The following MT4 variants were observed in gnomAD, a reference collection of about 807,000 sequenced individuals.
MT4 encodes metallothionein-4.
Under a neutral mutation model 9.5 loss-of-function variants are expected in MT4, and 11 were observed. The observed-to-expected ratio is 1.16, with a 90% CI of 0.73 to 1.92. The LOEUF (loss-of-function observed/expected upper bound fraction) is 1.92, where lower values mean the gene tolerates loss of function less well. Ranked by LOEUF, MT4 falls within the 30% of genes most tolerant of loss-of-function variation. The pLI, the probability that MT4 is intolerant of heterozygous loss-of-function variation, is 0.00. For missense variants in MT4, 88 were observed against 78.7 expected, an observed-to-expected ratio of 1.12 and a Z score of -0.45; for synonymous variants, 29 against 24.6, an observed-to-expected ratio of 1.18 and a Z score of -0.53.
intron 2 of MT4, 140 bp from the exon 3 acceptor site, chr16:56,568,701 A>G: frequency 6.9e-6 from 4 of 580,188 alleles, no homozygotes; most frequent in Non-Finnish European, 1.2e-5. Context: ...TCAACCTCCT[A>G]TCTCAGCATT....
Position 56,565,127 on chromosome 16 carries a change from C to T in MT4, c.-2C>T. ...CACTGGAGCCTTTCGGACACCTGGA[C>T]CATGGACCCCAGGGAATGTGTCTGC... On this transcript the variant is annotated 5_prime_UTR_variant, in exon 1 of 3. Coordinates refer to ENST00000219162, the MANE Select transcript of MT4 (RefSeq NM_032935.3). The T allele has an allele frequency of 6.2e-7, 1 of 1,613,118 alleles. No homozygotes were observed. The highest frequency in any genetic ancestry group is 8.5e-7 in the Non-Finnish European group (1 of 1,179,588).
rs1349566239 is a variant in MT4 at position 56,567,815 on chromosome 16, G to C, written c.96G>C (p.Lys32Asn). 1 of 1,611,908 alleles carries C rather than the reference G, an allele frequency of 6.2e-7. No individual in the cohort carries two copies. Among genetic ancestry groups the C allele is most frequent in the East Asian group, 2.2e-5 (1 of 44,852 alleles). The change falls in exon 2 of 3, where the codon AAG (lysine) becomes AAC (asparagine). Residue 32 changes from lysine (K) to asparagine (N), a missense_variant and splice_region_variant. Physicochemically the swap from Lys to Asn is moderately conservative, Grantham distance 94. Coordinates refer to ENST00000219162, the MANE Select transcript of MT4 (RefSeq NM_032935.3). The part of the protein sequence containing the change: ...CTTCNCKTYW[K>N]SCCPCCPPGC... ...CCTGCAACTGTAAAACATATTGGAA[G>C]AGTGAGTATGGTGACTGGGGGCACC...
At chr16:56,568,267 GAGAGAGAAAGAAAGAAAGAA>G (rs1959574660) in intron 2 of MT4, among the ~76,000 whole-genome samples, 5 of 68,502 alleles carry the variant, frequency 7.3e-5, no homozygotes, top group African/African-American at 2.8e-4. Flanking sequence ...AAGAGAGAGA[GAGAGAGAAAGAAAGAAAGAA>G]AGAAAGAAAG....
At chr16:56,568,212 AG>A (rs1950046446) in intron 2 of MT4, among the ~76,000 whole-genome samples, 19 of 48,374 alleles carry the variant, frequency 3.9e-4, no homozygotes, top group South Asian at 8.4e-4. Context: ...AGAGAGAGAG[AG>A]AGAAAGAAAG....
chr16:56,568,211 GAGAGAA>G (rs1441663662), intron 2 of MT4, among the ~76,000 whole-genome samples: 15 of 57,924 alleles, frequency 2.6e-4, no homozygotes, highest in South Asian at 2.2e-3. Context: ...GAGAGAGAGA[GAGAGAA>G]AGAAAGAAAG....
At chr16:56,568,271 G>GAGAGAGAAAGAA (rs1567330643) in intron 2 of MT4, among the ~76,000 whole-genome samples, 25 of 58,638 alleles carry the variant, frequency 4.3e-4, no homozygotes, top group South Asian at 4.2e-3. Context: ...GAGAGAGAGA[G>GAGAGAGAAAGAA]AGAAAGAAAG....
intron 2 of MT4, among the ~76,000 whole-genome samples, chr16:56,568,251 GAAAGAA>G (rs755919193): frequency 0.034 from 1,349 of 39,738 alleles, 94 homozygotes; most frequent in African/African-American, 0.1. Context: ...AAGAAAGAAA[GAAAGAA>G]AGAGAGAGAG....
Position 56,568,862 on chromosome 16 carries a change from C to G in MT4, c.119C>G (p.Pro40Arg), listed in dbSNP as rs746180904. ...TCAGGCTGCTGTCCCTGCTGCCCCC[C>G]GGGCTGTGCCAAATGTGCCCGGGGC... ...YWKSCCPCCP[P>R]GCAKCARGCI... is the part of the protein sequence containing the mutation. The change falls in exon 3 of 3, where the codon CCG becomes CGG. Residue 40 changes from proline (P) to arginine (R), a missense_variant. Transcript: ENST00000219162. The G allele has an allele frequency of 1.9e-6, 3 of 1,607,482 alleles. No homozygotes were observed. Among genetic ancestry groups the G allele is most frequent in the Non-Finnish European group, 1.7e-6 (2 of 1,176,602 alleles).
chr16:56,565,704 T>G (rs1397431008), intron 1 of MT4, among the ~76,000 whole-genome samples: 9 of 152,124 alleles, frequency 5.9e-5, no homozygotes, highest in Non-Finnish European at 1.2e-4. Flanking sequence ...CGGAGCATGT[T>G]AGCCAGAAGG....
chr16:56,565,361 T>C (rs1307825494), intron 1 of MT4, among the ~76,000 whole-genome samples: 2 of 152,226 alleles, frequency 1.3e-5, no homozygotes, highest in Non-Finnish European at 2.9e-5. Context: ...CTAGAATCGA[T>C]ATCCTAGCTC....
intron 1 of MT4, among the ~76,000 whole-genome samples, chr16:56,566,745 AGAAGGAAG>A (rs1567329865): frequency 2.2e-5 from 1 of 46,148 alleles, no homozygotes; most frequent in Non-Finnish European, 3.9e-5. Context: ...AAAGAAAGAA[AGAAGGAAG>A]GAAGGAAGGA....
intron 1 of MT4, among the ~76,000 whole-genome samples, chr16:56,565,894 T>A (rs986979340): frequency 4.0e-5 from 6 of 150,000 alleles, no homozygotes; most frequent in Non-Finnish European, 9.0e-5. Context: ...CGAGACTCCA[T>A]GTCTACAAAT....
chr16:56,566,700 GAGAAAGAAAGAAAGAAAGAAAGAAAGAA>G lies in MT4; in HGVS notation c.32-1030_32-1003del, dbSNP rs779895274. 9.9e-3 allele frequency among the ~76,000 whole-genome samples: 726 copies of G among 73,150 alleles called. 8 individuals are homozygous for G. The highest frequency in any genetic ancestry group is 0.056 in the South Asian group (83 of 1,478). The allele number at this position is 73,150 out of a possible 152,430, so 48.0% of individuals were successfully genotyped here. On this transcript the variant is annotated intron_variant, in intron 1 of 2. Coordinates refer to ENST00000219162, the MANE Select transcript of MT4 (RefSeq NM_032935.3). ...GAGAAAAAGAAAAGAAAGAAAGAAA[GAGAAAGAAAGAAAGAAAGAAAGAAAGAA>G]AGAAAGAAAGAAAGAAAGAAGGAAG...
intron 2 of MT4, 56 bp from the exon 3 acceptor site, chr16:56,568,785 T>C (rs1959586246): frequency 8.1e-7 from 1 of 1,232,462 alleles, no homozygotes; most frequent in Non-Finnish European, 1.1e-6. Flanking sequence ...GGAGGGGCAG[T>C]GGTGAGATGG....
At chr16:56,568,032 A>G (rs1959559438) in intron 2 of MT4, among the ~76,000 whole-genome samples, 1 of 151,760 alleles carries the variant, frequency 6.6e-6, no homozygotes, top group South Asian at 2.1e-4. Context: ...GGGCACCTGT[A>G]ATCCCAGCTA....
intron 2 of MT4, among the ~76,000 whole-genome samples, chr16:56,568,334 A>AAAG: frequency 6.6e-6 from 1 of 151,198 alleles, no homozygotes; most frequent in Non-Finnish European, 1.5e-5. Flanking sequence ...AGAAAGAAAG[A>AAAG]AAGATCCCAT....
intron 1 of MT4, among the ~76,000 whole-genome samples, chr16:56,567,181 G>C (rs895543113): frequency 6.6e-6 from 1 of 151,468 alleles, no homozygotes; most frequent in Non-Finnish European, 1.5e-5. Context: ...GTGCCACCAC[G>C]CCTGGCTAAT....
At chr16:56,566,750 G>A (rs1597046694) in intron 1 of MT4, among the ~76,000 whole-genome samples, 2 of 60,600 alleles carry the variant, frequency 3.3e-5, no homozygotes, top group Non-Finnish European at 6.1e-5. Context: ...AAGAAAGAAG[G>A]AAGGAAGGAA....
chr16:56,566,849 AAGAAAG>A (rs1959542865), intron 1 of MT4, among the ~76,000 whole-genome samples: 1 of 148,776 alleles, frequency 6.7e-6, no homozygotes, highest in African/African-American at 2.5e-5. Flanking sequence ...GAAAGAAAGA[AAGAAAG>A]AAATGAGGGA....
Sources: allele counts gnomAD v4.1 joint callset (sites outside exome capture counted in the v4.1 genomes callset), GRCh38; gene constraint gnomAD v4.1.1; transcripts MANE v1.5; gene names NCBI Gene and HGNC (gene_info 2026-07-23, HGNC 2026-07-21).